The following NAA25 variants were observed in gnomAD, a reference collection of about 807,000 sequenced individuals.
The protein encoded by NAA25 is N-terminal acetyltransferase B complex subunit NAA25.
In NAA25, 30 loss-of-function variants were observed where a neutral mutation model predicts 132.5. The observed-to-expected ratio is 0.23, with a 90% CI of 0.17 to 0.31. The LOEUF is 0.31. Among genes scored for constraint, NAA25 ranks in the 10% least tolerant of loss-of-function variants. The pLI, the probability that NAA25 is intolerant of heterozygous loss-of-function variation, is 1.00. For synonymous variants in NAA25, 359 were observed against 401.9 expected (o/e 0.89, Z 1.28); for missense variants, 771 against 1,150.4 (o/e 0.67, Z 4.77).
intron 19 of NAA25, chr12:112,042,323 T>C (rs1195557603): frequency 3.8e-6 from 1 of 263,556 alleles, no homozygotes; most frequent in Middle Eastern, 1.1e-3. Context: ...CCAGAGGTAC[T>C]ACCTAAAATT....
At chr12:112,068,382 T>G (rs532652005) in intron 11 of NAA25, among the ~76,000 whole-genome samples, 2 of 152,256 alleles carry the variant, frequency 1.3e-5, no homozygotes, top group Non-Finnish European at 2.9e-5. Flanking sequence ...CACACCCATA[T>G]GTGCCACATA....
intron 21 of NAA25, chr12:112,040,246 G>C: frequency 2.8e-6 from 1 of 362,524 alleles, no homozygotes; most frequent in Admixed American, 4.8e-5. Flanking sequence ...GAAGTTTAGA[G>C]ATGAGTACAG....
chr12:112,100,961 G>A (rs2079286955), intron 1 of NAA25, among the ~76,000 whole-genome samples: 1 of 152,060 alleles, frequency 6.6e-6, no homozygotes. Flanking sequence ...CCTTAAAATG[G>A]ATTACAAAGC....
At chr12:112,088,788 T>C (rs1294578283) in intron 3 of NAA25, among the ~76,000 whole-genome samples, 1 of 151,954 alleles carries the variant, frequency 6.6e-6, no homozygotes, top group Non-Finnish European at 1.5e-5. Context: ...ACCCGGCTAA[T>C]TTTGCATTTT....
intron 3 of NAA25, among the ~76,000 whole-genome samples, chr12:112,089,666 G>A (rs567389249): frequency 4.6e-5 from 7 of 152,122 alleles, no homozygotes; most frequent in East Asian, 2.0e-4. Flanking sequence ...TCAGGATAGC[G>A]AGTAACTCTT....
chr12:112,090,793 T>A lies in NAA25; in HGVS notation c.216A>T (p.Ala72=), dbSNP rs778497084. The change falls in exon 3 of 24, where the codon GCA becomes GCT. Residue 72 remains alanine (A), a synonymous_variant. Coordinates refer to ENST00000261745, the MANE Select transcript of NAA25 (RefSeq NM_024953.4). The part of the protein sequence containing the change: ...EEAFTLAQEV[A]ALEPTDDNSL... ...AGTTGTCATCTGTGGGTTCAAGGGC[T>A]GCCACCTCCTGTGCAAGAGTAAAGG... is the stretch of plus-strand genomic sequence containing the variant. The A allele has an allele frequency of 6.2e-7, 1 of 1,614,058 alleles. No individual in the cohort carries two copies. The highest frequency in any genetic ancestry group is 1.1e-5 in the South Asian group (1 of 91,068).
intron 22 of NAA25, among the ~76,000 whole-genome samples, chr12:112,036,866 A>C (rs2078230136): frequency 6.6e-6 from 1 of 151,290 alleles, no homozygotes; most frequent in Non-Finnish European, 1.5e-5. Context: ...AGTACGTAAA[A>C]CTGTGTGTGC....
chr12:112,100,056 C>T (rs1443935927), intron 1 of NAA25, among the ~76,000 whole-genome samples: 1 of 152,178 alleles, frequency 6.6e-6, no homozygotes, highest in Non-Finnish European at 1.5e-5. Flanking sequence ...AGACACATTC[C>T]TTCACTCAGC....
chr12:112,030,210 CAAAAAA>C (rs67757055), intron 23 of NAA25, among the ~76,000 whole-genome samples: 11 of 53,376 alleles, frequency 2.1e-4, no homozygotes, highest in Non-Finnish European at 2.6e-4. Flanking sequence ...AAAGCTGTCT[CAAAAAA>C]AAAAAAAAAA....
chr12:112,073,261 TACACACACAC>T (rs34053629), intron 9 of NAA25, among the ~76,000 whole-genome samples: 7 of 148,664 alleles, frequency 4.7e-5, no homozygotes, highest in East Asian at 2.0e-4. Context: ...AAAAATTAAA[TACACACACAC>T]ACACACACAC....
At position 112,027,302 on chromosome 12, in the gene NAA25, TG is replaced by T. The variant is rs2136787482; in HGVS notation, c.*2228del. 6.6e-6 allele frequency: 1 copy of T among 151,522 alleles called. No homozygotes were observed. The highest frequency in any genetic ancestry group is 2.1e-4 in the South Asian group (1 of 4,824). The allele number at this position is 151,522 out of a possible 1,614,324, so 9.4% of individuals were successfully genotyped here. The stretch of plus-strand genomic sequence containing the variant: ...GCTGGGAGAGGGTGCTTTTTACTCA[TG>T]TAAGAATATATATATATATATATTT... On this transcript the variant is annotated 3_prime_UTR_variant, in exon 24 of 24. Transcript: ENST00000261745.
chr12:112,061,542 T>C (rs2078629958), intron 11 of NAA25, among the ~76,000 whole-genome samples, 154 bp from the exon 12 acceptor site: 3 of 152,144 alleles, frequency 2.0e-5, no homozygotes, highest in Middle Eastern at 6.8e-3. Flanking sequence ...CCAAAATAGC[T>C]AAAACAAAAA....
At chr12:112,071,471 A>G (rs1260108386) in intron 10 of NAA25, among the ~76,000 whole-genome samples, 1 of 152,124 alleles carries the variant, frequency 6.6e-6, no homozygotes, top group Non-Finnish European at 1.5e-5. Flanking sequence ...AGCTGGGACT[A>G]CAGATGTGCG....
At chr12:112,072,308 A>G (rs1228186950) in intron 9 of NAA25, among the ~76,000 whole-genome samples, 1 of 152,180 alleles carries the variant, frequency 6.6e-6, no homozygotes, top group African/African-American at 2.4e-5. Flanking sequence ...ATAATTTTGT[A>G]TATATGAAAT....
At chr12:112,090,524 T>C in intron 3 of NAA25, 3 of 470,116 alleles carry the variant, frequency 6.4e-6, no homozygotes, top group Non-Finnish European at 7.4e-6. Context: ...ATGAAGTCAC[T>C]TTAATTCTCA....
chr12:112,101,749 T>C (rs1379851720), intron 1 of NAA25, among the ~76,000 whole-genome samples: 1 of 151,138 alleles, frequency 6.6e-6, no homozygotes, highest in East Asian at 2.0e-4. Context: ...AGAGTGAGAC[T>C]GCATCTTAAA....
chr12:112,094,245 A>C (rs1184657405), intron 1 of NAA25, among the ~76,000 whole-genome samples: 2 of 132,210 alleles, frequency 1.5e-5, no homozygotes, highest in African/African-American at 5.0e-5. Context: ...TGTCTCAAAA[A>C]AAAAAAAAAA....
chr12:112,077,973 C>T lies in NAA25; in HGVS notation c.664+215G>A, dbSNP rs117573161. 4.6e-5 allele frequency among the ~76,000 whole-genome samples: 7 copies of T among 151,804 alleles called. No individual in the cohort carries two copies. In the East Asian group the frequency reaches 1.4e-3, roughly 29 times the overall value. ...AGACGGCTAGAGATCTGGAGTATAA[C>T]CTTTCACACTCCTTGAAGTTTCTGA... On this transcript the variant is annotated intron_variant, in intron 7 of 23. Transcript: ENST00000261745.
Position 112,047,739 on chromosome 12 carries a change from T to G in NAA25, c.1932A>C (p.Glu644Asp). 6.2e-7 allele frequency: 1 copy of G among 1,614,040 alleles called. No homozygotes were observed. The highest frequency in any genetic ancestry group is 2.2e-5 in the East Asian group (1 of 44,874). Reference sequence around the variant, plus strand: ...GCAAATCTTCCCATGGAATGTCATCTTCTTCTGGCCTAAGGTTCATTGACT... The same window carrying G: ...GCAAATCTTCCCATGGAATGTCATCGTCTTCTGGCCTAAGGTTCATTGACT... ...SIKSMNLRPE[E>D]DDIPWEDLRD... Residue 644 changes from glutamate (E) to aspartate (D), a missense_variant, in exon 17 of 24, where the codon GAA (glutamate) becomes GAC (aspartate). By Grantham distance (45) the Glu-to-Asp change is conservative. Coordinates refer to ENST00000261745, the MANE Select transcript of NAA25 (RefSeq NM_024953.4).
Sources: gnomAD v4.1 joint callset for allele counts (sites outside exome capture counted in the v4.1 genomes callset) on GRCh38, gnomAD v4.1.1 for gene constraint, MANE v1.5 for transcripts, NCBI Gene and HGNC (gene_info 2026-07-23, HGNC 2026-07-21) for gene names.